Variants in DDRGK1 observed in about 807,000 individuals in gnomAD.
DDRGK1 encodes DDRGK domain containing 1, also known as DDRGK domain-containing protein 1.
DDRGK1 carries 38 observed loss-of-function variants against 45.8 expected under a neutral mutation model. That is an observed-to-expected ratio of 0.83 (90% CI 0.64 to 1.09). DDRGK1 has a LOEUF of 1.09. Among genes scored for constraint, DDRGK1 ranks in the 50% least tolerant of loss-of-function variants. DDRGK1 has a pLI of 0.00. For missense variants in DDRGK1, 403 were observed against 419.9 expected (o/e 0.96, Z 0.35); for synonymous variants, 171 against 168.7 (o/e 1.01, Z -0.11).
intron 4 of DDRGK1, among the ~76,000 whole-genome samples, chr20:3,196,492 A>G (rs1474789925): frequency 6.8e-6 from 1 of 147,758 alleles, no homozygotes; most frequent in East Asian, 2.0e-4. Flanking sequence ...CCTGGCTAAC[A>G]CGGTGAAACC....
At chr20:3,196,466 A>C (rs1352584518) in intron 4 of DDRGK1, among the ~76,000 whole-genome samples, 1 of 151,562 alleles carries the variant, frequency 6.6e-6, no homozygotes, top group Non-Finnish European at 1.5e-5. Context: ...TCACGAGGTC[A>C]GGAGATCGAG....
At chr20:3,198,309 C>G (rs2067020561) in intron 4 of DDRGK1, among the ~76,000 whole-genome samples, 1 of 148,076 alleles carries the variant, frequency 6.8e-6, no homozygotes, top group South Asian at 2.1e-4. Flanking sequence ...GAGAATGAGG[C>G]AGGAGAGTCA....
rs142160552 is a variant in DDRGK1, at chr20:3,195,659, C to T, written c.511-306G>A. 1.5e-3 allele frequency among the ~76,000 whole-genome samples: 226 copies of T among 152,170 alleles called. 2 individuals carry two copies. In the Middle Eastern group the frequency reaches 0.02, roughly 14 times the overall value. On this transcript the variant is annotated intron_variant, in intron 4 of 8. Transcript: ENST00000354488. Reference sequence around the variant, plus strand: ...CATGACCCCACTCTACAATACCCTCCAATCACCTGCCCCATCCTCTCCTTG... The same window carrying T: ...CATGACCCCACTCTACAATACCCTCTAATCACCTGCCCCATCCTCTCCTTG...
intron 6 of DDRGK1, among the ~76,000 whole-genome samples, chr20:3,193,884 T>C (rs995520667): frequency 7.9e-5 from 12 of 151,942 alleles, no homozygotes; most frequent in Non-Finnish European, 1.8e-4. Context: ...GCCTACTGGG[T>C]AGGTGGGGAC....
intron 4 of DDRGK1, among the ~76,000 whole-genome samples, chr20:3,197,961 G>A (rs1031982706): frequency 6.6e-6 from 1 of 150,780 alleles, no homozygotes; most frequent in Non-Finnish European, 1.5e-5. Flanking sequence ...TCAAAAGCAA[G>A]GAGTCTTAGC....
intron 6 of DDRGK1, among the ~76,000 whole-genome samples, chr20:3,193,036 G>A (rs1228810400): frequency 6.6e-6 from 1 of 152,180 alleles, no homozygotes; most frequent in Non-Finnish European, 1.5e-5. Context: ...TGATGACCTG[G>A]CCTGAGGTGC....
Position 3,195,323 on chromosome 20 carries a change from G to C in DDRGK1, c.541C>G (p.Gln181Glu), listed in dbSNP as rs754659900. The C allele has an allele frequency of 6.2e-7, 1 of 1,609,176 alleles. No homozygotes were observed. The highest frequency in any genetic ancestry group is 8.5e-7 in the Non-Finnish European group (1 of 1,177,626). Residue 181 changes from glutamine to glutamate, a missense_variant, in exon 5 of 9, where the codon CAG (glutamine) becomes GAG (glutamate). Transcript: ENST00000354488. ...TACTCCTCATGCTCCCGCTGGGCCT[G>C]CTCCTCGCGGGCCTTCCTCTCCTCC... is the stretch of plus-strand genomic sequence containing the variant. ...EEEERKAREE[Q>E]AQREHEEYLK...
intron 4 of DDRGK1, among the ~76,000 whole-genome samples, chr20:3,196,448 C>A (rs998631537): frequency 6.6e-6 from 1 of 151,842 alleles, no homozygotes; most frequent in Admixed American, 6.6e-5. Flanking sequence ...GAGGCCAAGG[C>A]GGGCGGATCA....
intron 3 of DDRGK1, 55 bp downstream of exon 3, chr20:3,200,287 G>A: frequency 6.6e-7 from 1 of 1,526,440 alleles, no homozygotes; most frequent in Non-Finnish European, 8.9e-7. Context: ...TAGGGAAAAA[G>A]GAAGGCAGTG....
At chr20:3,197,007 G>C (rs1252190994) in intron 4 of DDRGK1, among the ~76,000 whole-genome samples, 1 of 152,170 alleles carries the variant, frequency 6.6e-6, no homozygotes, top group South Asian at 2.1e-4. Flanking sequence ...CGGATCACCT[G>C]AGGTCAGGAG....
intron 2 of DDRGK1, among the ~76,000 whole-genome samples, chr20:3,201,783 G>C (rs1476080954): frequency 7.7e-6 from 1 of 130,442 alleles, no homozygotes; most frequent in East Asian, 2.6e-4. Flanking sequence ...TCAGCCTTCC[G>C]AGTAGCTGGA....
chr20:3,190,572 TC>T lies in DDRGK1; in HGVS notation c.*80del. The T allele has an allele frequency of 6.5e-7, 1 of 1,531,040 alleles. No homozygotes were observed. The allele number at this position is 1,531,040 out of a possible 1,614,324, so 94.8% of individuals were successfully genotyped here. A position where few individuals can be genotyped will look rare whatever the true frequency, so the allele number is the denominator to read the frequency against. On this transcript the variant is annotated 3_prime_UTR_variant, in exon 9 of 9. Coordinates refer to ENST00000354488, the MANE Select transcript of DDRGK1 (RefSeq NM_023935.3). ...ATAACTGCCTGGCCACACCATCACT[TC>T]CCCAGGATGGTGGGGAGGGATGAAG... is the stretch of plus-strand genomic sequence containing the variant.
At position 3,196,484 on chromosome 20, in the gene DDRGK1, T is replaced by C. The variant is rs925806865; in HGVS notation, c.511-1131A>G. Among the ~76,000 whole-genome samples, 24 of 150,438 alleles carry C rather than the reference T, an allele frequency of 1.6e-4. No homozygotes were observed. The East Asian group carries it at 2.6e-3, about 16-fold the overall frequency. On this transcript the variant is annotated intron_variant, in intron 4 of 8. Coordinates refer to ENST00000354488, the MANE Select transcript of DDRGK1 (RefSeq NM_023935.3). The stretch of plus-strand genomic sequence containing the variant: ...CGAGGTCAGGAGATCGAGACCATCC[T>C]GGCTAACACGGTGAAACCCTGTCTC...
At chr20:3,194,479 A>T (rs906281080) in intron 6 of DDRGK1, among the ~76,000 whole-genome samples, 5 of 152,372 alleles carry the variant, frequency 3.3e-5, no homozygotes, top group Admixed American at 3.3e-4. Flanking sequence ...TGCTTGTTTC[A>T]ACTCAGTGGA....
At chr20:3,201,603 G>A (rs8117254) in intron 2 of DDRGK1, among the ~76,000 whole-genome samples, 2,349 of 152,122 alleles carry the variant, frequency 0.015, 53 homozygotes, top group African/African-American at 0.054. Flanking sequence ...AAGGTACTGT[G>A]GCTGATAAGC....
Position 3,190,631 on chromosome 20 carries a change from G to T in DDRGK1, c.*22C>A, listed in dbSNP as rs774355801. 1 of 1,612,640 alleles carries T rather than the reference G, an allele frequency of 6.2e-7. No individual in the cohort carries two copies. The highest frequency in any genetic ancestry group is 1.1e-5 in the South Asian group (1 of 90,992). On this transcript the variant is annotated 3_prime_UTR_variant, in exon 9 of 9. Coordinates refer to ENST00000354488, the MANE Select transcript of DDRGK1 (RefSeq NM_023935.3). Reference sequence around the variant, plus strand: ...GCCAGGTAGGCCACACCAACTCTGAGTCCAAGAGGGAAGGACTGGGGTCAG... The same window carrying T: ...GCCAGGTAGGCCACACCAACTCTGATTCCAAGAGGGAAGGACTGGGGTCAG...
rs557163959 is a variant in DDRGK1 at position 3,200,838 on chromosome 20, C to T, written c.296-384G>A. 1.9e-3 allele frequency among the ~76,000 whole-genome samples: 295 copies of T among 152,136 alleles called. 1 individual carries two copies. The highest frequency in any genetic ancestry group is 3.4e-3 in the Middle Eastern group (1 of 294). The stretch of plus-strand genomic sequence containing the variant: ...TAAAAGTACAAAAAAGGGCTGGGCA[C>T]GGTGGCTCATGCCTGTAATCCCAGA... On this transcript the variant is annotated intron_variant, in intron 2 of 8. Coordinates refer to ENST00000354488, the MANE Select transcript of DDRGK1 (RefSeq NM_023935.3).
chr20:3,201,648 GGTT>G (rs1243419715), intron 2 of DDRGK1, among the ~76,000 whole-genome samples: 1 of 151,774 alleles, frequency 6.6e-6, no homozygotes, highest in Non-Finnish European at 1.5e-5. Context: ...TAGGAGAGAG[GGTT>G]GTTTTTTTTG....
chr20:3,203,493 G>A, intron 1 of DDRGK1, 77 bp from the exon 2 acceptor site: 1 of 1,433,020 alleles, frequency 7.0e-7, no homozygotes, highest in South Asian at 1.5e-5. Context: ...CAGCCCGGAA[G>A]CCTCACCTCC....
Sources: gnomAD v4.1 joint callset for allele counts (sites outside exome capture counted in the v4.1 genomes callset) on GRCh38, gnomAD v4.1.1 for gene constraint, MANE v1.5 for transcripts, NCBI Gene and HGNC (gene_info 2026-07-23, HGNC 2026-07-21) for gene names.